Variants in CHD1L observed in about 807,000 individuals in gnomAD.
CHD1L encodes the protein chromodomain helicase DNA binding protein 1 like, also known as ATP-dependent chromatin remodeler CHD1L.
Under a neutral mutation model 115.9 loss-of-function variants are expected in CHD1L, and 118 were observed. The ratio of observed to expected loss-of-function variants is 1.02; its 90% CI spans 0.88 to 1.19. The LOEUF (loss-of-function observed/expected upper bound fraction) is 1.19, where lower values mean the gene tolerates loss of function less well. CHD1L is among the 50% of genes most tolerant of loss of function. The pLI is 0.00. For missense variants in CHD1L, 1,179 were observed against 1,065.3 expected, an observed-to-expected ratio of 1.11 and a Z score of -1.49; for synonymous variants, 411 against 387.1, an observed-to-expected ratio of 1.06 and a Z score of -0.72.
chr1:147,293,764 T>G (rs781985320), intron 21 of CHD1L, 42 bp downstream of exon 21: 30 of 1,522,854 alleles, frequency 2.0e-5, no homozygotes, highest in Non-Finnish European at 2.6e-5. Flanking sequence ...TGAATTTGTT[T>G]CTAGGCATGT....
the CHD1L span, among the ~76,000 whole-genome samples, chr1:147,216,308 A>C: frequency 6.6e-6 from 1 of 152,176 alleles, no homozygotes; most frequent in Non-Finnish European, 1.5e-5. Flanking sequence ...ACATGAAGAG[A>C]ATGTCTGGGA....
chr1:147,275,456 T>C lies in CHD1L; in HGVS notation c.1373T>C (p.Ile458Thr), dbSNP rs746526866. 2.7e-5 allele frequency: 43 copies of C among 1,613,712 alleles called. No homozygotes were observed. The highest frequency in any genetic ancestry group is 3.6e-5 in the Non-Finnish European group (42 of 1,179,578). The stretch of plus-strand genomic sequence containing the variant: ...CAAGCAGCTGCCAGGGCTCATCGCA[T>C]TGGCCAAAACAAGTAAGTGATTTTT... The part of the protein sequence containing the change: ...DLQAAARAHR[I>T]GQNKSVKVIR... The change falls in exon 13 of 23, where the codon ATT becomes ACT. Residue 458 changes from isoleucine (I) to threonine (T), a missense_variant. By Grantham distance (89) the Ile-to-Thr change is moderately conservative. Transcript: ENST00000369258.
chr1:147,204,908 G>C, the CHD1L span: 1 of 1,577,962 alleles, frequency 6.3e-7, no homozygotes, highest in Non-Finnish European at 8.7e-7. Context: ...GCGAAGCCCG[G>C]AGCCTTGGGA....
chr1:147,181,981 T>C, the CHD1L span, among the ~76,000 whole-genome samples: 1 of 152,324 alleles, frequency 6.6e-6, no homozygotes, highest in African/African-American at 2.4e-5. Context: ...CGGTTATTCA[T>C]GACAATGTCT....
At chr1:147,187,321 G>T in the CHD1L span, 2 of 1,047,712 alleles carry the variant, frequency 1.9e-6, no homozygotes, top group Non-Finnish European at 2.8e-6. Context: ...CCTTCTGAGT[G>T]CCTGCTATTG....
At chr1:147,272,416 G>A in intron 12 of CHD1L, 135 bp downstream of exon 12, 1 of 627,366 alleles carries the variant, frequency 1.6e-6, no homozygotes, top group South Asian at 2.2e-5. Context: ...CAAGGTACTG[G>A]ACATCAAGCA....
At chr1:147,224,506 T>C in the CHD1L span, among the ~76,000 whole-genome samples, 44 of 152,066 alleles carry the variant, frequency 2.9e-4, no homozygotes, top group Non-Finnish European at 5.6e-4. Context: ...AGTTTAACTA[T>C]CTTTTTTTAA....
chr1:147,204,736 G>A, the CHD1L span: 1 of 1,512,508 alleles, frequency 6.6e-7, no homozygotes, highest in Non-Finnish European at 9.2e-7. Flanking sequence ...TGCATCATTT[G>A]TCACAAACAA....
Position 147,252,699 on chromosome 1 carries a change from C to G in CHD1L, c.204C>G (p.Ile68Met). 6.2e-7 allele frequency: 1 copy of G among 1,614,022 alleles called. No homozygotes were observed. Among genetic ancestry groups the G allele is most frequent in the Admixed American group, 1.7e-5 (1 of 60,026 alleles). ...GCTTCCATTGTCAGAATGGCTGTAT[C>G]CTGGGAGATGAGATGGGCCTGGGGA... ...AQRFHCQNGCILGDEMGLGKT... is the reference protein window; with the variant it reads ...AQRFHCQNGCMLGDEMGLGKT... The change falls in exon 2 of 23, where the codon ATC (isoleucine) becomes ATG (methionine). Residue 68 changes from isoleucine to methionine, a missense_variant. Ile to Met is a conservative substitution (Grantham distance 10). Transcript: ENST00000369258.
the CHD1L span, among the ~76,000 whole-genome samples, chr1:147,218,690 G>T: frequency 6.6e-6 from 1 of 152,020 alleles, no homozygotes; most frequent in Admixed American, 6.6e-5. Context: ...AATCTAGCCC[G>T]GTTTATCTTT....
chr1:147,272,130 GA>G (rs1275134586), intron 11 of CHD1L, 40 bp from the exon 12 acceptor site: 15 of 1,547,406 alleles, frequency 9.7e-6, no homozygotes, highest in Non-Finnish European at 1.1e-5. Context: ...AAGACTACTT[GA>G]AAAGGGTTAA....
chr1:147,228,288 C>A, the CHD1L span, among the ~76,000 whole-genome samples: 1 of 151,524 alleles, frequency 6.6e-6, no homozygotes, highest in Non-Finnish European at 1.5e-5. Flanking sequence ...CAACAGTTTG[C>A]TGAGAATGAT....
the CHD1L span, chr1:147,203,997 C>G: frequency 2.6e-6 from 3 of 1,164,824 alleles, no homozygotes; most frequent in Non-Finnish European, 3.9e-6. Flanking sequence ...TTTAGCTTCA[C>G]TAACATCATA....
chr1:147,231,729 C>T, the CHD1L span, among the ~76,000 whole-genome samples: 1 of 152,078 alleles, frequency 6.6e-6, no homozygotes, highest in Non-Finnish European at 1.5e-5. Context: ...ACCCTCGGAG[C>T]CAGGCATGGG....
At chr1:147,203,679 A>C in the CHD1L span, 1 of 1,472,236 alleles carries the variant, frequency 6.8e-7, no homozygotes, top group Middle Eastern at 1.8e-4. Flanking sequence ...TGTTTGGCTA[A>C]TTCAATTTCT....
the CHD1L span, among the ~76,000 whole-genome samples, chr1:147,227,603 A>C: frequency 6.6e-6 from 1 of 152,240 alleles, no homozygotes; most frequent in East Asian, 1.9e-4. Context: ...CTTCATTGAA[A>C]AATAACTTGA....
At chr1:147,248,415 T>C (rs1481770383) in intron 1 of CHD1L, among the ~76,000 whole-genome samples, 1 of 151,992 alleles carries the variant, frequency 6.6e-6, no homozygotes, top group East Asian at 1.9e-4. Flanking sequence ...TCCATGTTGG[T>C]CAGGCTGGTC....
chr1:147,293,107 G>A (rs587697758), intron 20 of CHD1L, among the ~76,000 whole-genome samples: 7 of 151,686 alleles, frequency 4.6e-5, no homozygotes, highest in African/African-American at 1.4e-4. Context: ...ATGTCATCCC[G>A]GAAGCTCCCT....
the CHD1L span, chr1:147,223,989 TG>T: frequency 2.4e-6 from 1 of 418,766 alleles, no homozygotes; most frequent in South Asian, 1.8e-5. Flanking sequence ...ATCACCACCT[TG>T]GTGGAGAACA....
Sources: gnomAD v4.1 joint callset for allele counts (sites outside exome capture counted in the v4.1 genomes callset) on GRCh38, gnomAD v4.1.1 for gene constraint, MANE v1.5 for transcripts, NCBI Gene and HGNC (gene_info 2026-07-23, HGNC 2026-07-21) for gene names.